FRRS1: variants seen among roughly 807,000 people sequenced by gnomAD.
FRRS1 encodes the protein ferric reductase 1.
Under a neutral mutation model 70.7 loss-of-function variants are expected in FRRS1, and 51 were observed. That is an observed-to-expected ratio of 0.72 (90% confidence interval 0.58 to 0.91). The LOEUF (loss-of-function observed/expected upper bound fraction) is 0.91. Among genes scored for constraint, FRRS1 ranks in the 40% least tolerant of loss-of-function variants. FRRS1 has a pLI of 0.00. For synonymous variants in FRRS1, 225 were observed against 238.7 expected (o/e 0.94, Z 0.53); for missense variants, 672 against 726.0 (o/e 0.93, Z 0.86).
intron 7 of FRRS1, among the ~76,000 whole-genome samples, chr1:99,730,269 G>T (rs1571118623): frequency 6.6e-6 from 1 of 152,230 alleles, no homozygotes; most frequent in East Asian, 1.9e-4. Context: ...ACACTGTAAA[G>T]AAATATTGCT....
At chr1:99,724,030 T>C (rs1331476719) in intron 9 of FRRS1, among the ~76,000 whole-genome samples, 2 of 152,204 alleles carry the variant, frequency 1.3e-5, no homozygotes, top group African/African-American at 2.4e-5. Context: ...CTTGCATTCA[T>C]TGAGTGGTAG....
At chr1:99,737,549 C>T (rs74973766) in intron 7 of FRRS1, among the ~76,000 whole-genome samples, 6,017 of 152,262 alleles carry the variant, frequency 0.04, 400 homozygotes, top group African/African-American at 0.14. Flanking sequence ...ATGGCAAATA[C>T]ACTGGAAATA....
At chr1:99,744,862 C>T (rs1244756945) in intron 4 of FRRS1, among the ~76,000 whole-genome samples, 1 of 148,456 alleles carries the variant, frequency 6.7e-6, no homozygotes, top group Non-Finnish European at 1.5e-5. Context: ...CCCACCTACT[C>T]GGGAGGCTGA....
intron 4 of FRRS1, among the ~76,000 whole-genome samples, chr1:99,743,292 C>G (rs952206429): frequency 1.3e-5 from 2 of 152,112 alleles, no homozygotes; most frequent in African/African-American, 2.4e-5. Context: ...CCAAAAAAAA[C>G]TGACAGAGAG....
intron 4 of FRRS1, among the ~76,000 whole-genome samples, chr1:99,744,574 G>A (rs189694768): frequency 2.2e-4 from 34 of 152,128 alleles, no homozygotes; most frequent in East Asian, 1.7e-3. Flanking sequence ...ATCACCTGAG[G>A]TCGGGTGTTC....
chr1:99,763,578 T>C (rs918206019), intron 1 of FRRS1, among the ~76,000 whole-genome samples: 1 of 152,148 alleles, frequency 6.6e-6, no homozygotes, highest in African/African-American at 2.4e-5. Context: ...TCTAGAAATG[T>C]ATCTTACAGT....
intron 1 of FRRS1, among the ~76,000 whole-genome samples, chr1:99,750,665 T>G (rs952754786): frequency 2.5e-5 from 3 of 120,172 alleles, no homozygotes; most frequent in African/African-American, 1.2e-4. Flanking sequence ...TAGAAAAATA[T>G]CAAACTGAAA....
intron 1 of FRRS1, among the ~76,000 whole-genome samples, chr1:99,754,504 AGAAAG>A (rs1656731565): frequency 3.0e-5 from 3 of 100,662 alleles, no homozygotes; most frequent in African/African-American, 5.7e-5. Context: ...AGAGAGAGAG[AGAAAG>A]AGAGAGAGAG....
chr1:99,733,812 T>C (rs1215834585), intron 7 of FRRS1, among the ~76,000 whole-genome samples: 1 of 152,312 alleles, frequency 6.6e-6, no homozygotes, highest in East Asian at 1.9e-4. Flanking sequence ...AAAACCTAGT[T>C]ACAGGCTATT....
At chr1:99,712,806 T>A (rs1654334950) in intron 12 of FRRS1, among the ~76,000 whole-genome samples, 1 of 152,166 alleles carries the variant, frequency 6.6e-6, no homozygotes, top group Non-Finnish European at 1.5e-5. Flanking sequence ...ATGTCCAAGG[T>A]CACAGAGTAT....
Position 99,729,655 on chromosome 1 carries a change from A to G in FRRS1, c.853T>C (p.Ser285Pro). The G allele has an allele frequency of 6.2e-7, 1 of 1,604,228 alleles. No individual in the cohort carries two copies. The highest frequency in any genetic ancestry group is 8.5e-7 in the Non-Finnish European group (1 of 1,171,454). ...LTGRSHPVMD[S>P]RDTLEDMAWR... is the part of the protein sequence containing the mutation. ...CTCAGAATTTTCACACCTACCCTGG[A>G]GTCCATTACAGGGTGACTTCGCCCC... Residue 285 changes from serine (S) to proline (P), a missense_variant, in exon 8 of 17, where the codon TCC becomes CCC. Ser to Pro is a moderately conservative substitution (Grantham distance 74, BLOSUM62 -1). Transcript: ENST00000646001.
In FRRS1 at chr1:99,728,621, G is replaced by C. The variant is rs1372028280; in HGVS notation, c.878C>G (p.Ala293Gly). ...CATAACACCGTCCGCCAACCTCCAA[G>C]CCATATCCTCAAGGGTATCCTACAA... ...MDSRDTLEDM[A>G]WRLADGVMQC... The change falls in exon 9 of 17, where the codon GCT becomes GGT. Residue 293 changes from alanine (A) to glycine (G), a missense_variant. Physicochemically the swap from Ala to Gly is moderately conservative, Grantham distance 60. Transcript: ENST00000646001. 3 of 1,613,788 alleles carry C rather than the reference G, an allele frequency of 1.9e-6. No homozygotes were observed. The South Asian group carries it at 3.3e-5, about 18-fold the overall frequency.
chr1:99,761,406 C>T (rs556593413), intron 1 of FRRS1, among the ~76,000 whole-genome samples: 31 of 152,242 alleles, frequency 2.0e-4, no homozygotes, highest in South Asian at 6.2e-4. Flanking sequence ...GGATTACAGA[C>T]GCAAGCCACC....
At chr1:99,724,368 A>T (rs1654980015) in intron 9 of FRRS1, among the ~76,000 whole-genome samples, 1 of 152,204 alleles carries the variant, frequency 6.6e-6, no homozygotes, top group Non-Finnish European at 1.5e-5. Flanking sequence ...TGAATTACTT[A>T]ATTACCCAAG....
intron 7 of FRRS1, among the ~76,000 whole-genome samples, chr1:99,731,462 C>G (rs1655377480): frequency 6.6e-6 from 1 of 152,154 alleles, no homozygotes; most frequent in South Asian, 2.1e-4. Flanking sequence ...ACAGTAAAAT[C>G]AGAATTAGCC....
rs1035484392 is a variant in FRRS1, at chr1:99,707,659, G to A, written c.*1369C>T. Reference sequence around the variant, plus strand: ...GTGGAATTTAAGGGAAATGCCATCCGGTAATGTTACCTAAATACTAGAAAG... The same window carrying A: ...GTGGAATTTAAGGGAAATGCCATCCAGTAATGTTACCTAAATACTAGAAAG... On this transcript the variant is annotated 3_prime_UTR_variant, in exon 17 of 17. Transcript: ENST00000646001. Among the ~76,000 whole-genome samples, 4 of 152,138 alleles carry A rather than the reference G, an allele frequency of 2.6e-5. No homozygotes were observed. The highest frequency in any genetic ancestry group is 4.4e-5 in the Non-Finnish European group (3 of 68,018).
intron 10 of FRRS1, 47 bp from the exon 11 acceptor site, chr1:99,717,572 G>A (rs1336644638): frequency 7.6e-7 from 1 of 1,318,774 alleles, no homozygotes; most frequent in African/African-American, 1.4e-5. Flanking sequence ...AACGAATCAA[G>A]CCATCGCTTA....
chr1:99,709,750 T>C (rs1654184630), intron 15 of FRRS1, among the ~76,000 whole-genome samples: 1 of 152,082 alleles, frequency 6.6e-6, no homozygotes, highest in Middle Eastern at 3.2e-3. Context: ...GGTAGATCAC[T>C]TGAGCCCAGG....
intron 5 of FRRS1, 132 bp from the exon 6 acceptor site, chr1:99,741,072 T>C: frequency 1.2e-6 from 1 of 826,660 alleles, no homozygotes; most frequent in Non-Finnish European, 1.9e-6. Flanking sequence ...ACTATTAATT[T>C]TGCCTGAGGC....
Sources: gnomAD v4.1 joint callset for allele counts (sites outside exome capture counted in the v4.1 genomes callset) on GRCh38, gnomAD v4.1.1 for gene constraint, MANE v1.5 for transcripts, NCBI Gene and HGNC (gene_info 2026-07-23, HGNC 2026-07-21) for gene names.